MUSK: variants seen among roughly 807,000 people sequenced by gnomAD.
The protein encoded by MUSK is muscle, skeletal receptor tyrosine-protein kinase.
MUSK carries 55 observed loss-of-function variants against 88.7 expected under a neutral mutation model. That is an observed-to-expected ratio of 0.62 (90% confidence interval 0.50 to 0.78). The LOEUF is 0.78. Among genes scored for constraint, MUSK ranks in the 30% least tolerant of loss-of-function variants. MUSK has a pLI of 0.00. For missense variants in MUSK, 1,015 were observed against 1,074.3 expected (o/e 0.94, Z 0.77); for synonymous variants, 387 against 391.9 (o/e 0.99, Z 0.15).
intron 8 of MUSK, 92 bp downstream of exon 8, chr9:110,762,300 G>T: frequency 3.0e-6 from 3 of 1,012,380 alleles, no homozygotes; most frequent in Non-Finnish European, 4.0e-6. Flanking sequence ...GTCTTGTGTT[G>T]CCCAGGCTGG....
intron 7 of MUSK, 147 bp from the exon 8 acceptor site, chr9:110,762,055 C>A: frequency 6.8e-6 from 7 of 1,023,330 alleles, no homozygotes; most frequent in Non-Finnish European, 8.9e-6. Context: ...CATCTGGCCT[C>A]CTAGCAGAAG....
At chr9:110,675,562 CT>C (rs10607243) in intron 1 of MUSK, among the ~76,000 whole-genome samples, 939 of 61,616 alleles carry the variant, frequency 0.015, 2 homozygotes, top group African/African-American at 0.064. Flanking sequence ...ATAGTCTTCC[CT>C]TTTTTTTTTT....
At chr9:110,720,872 A>G (rs978328855) in intron 5 of MUSK, among the ~76,000 whole-genome samples, 1 of 152,158 alleles carries the variant, frequency 6.6e-6, no homozygotes, top group Non-Finnish European at 1.5e-5. Context: ...ATCCAACAAC[A>G]TACCAAAAAT....
intron 6 of MUSK, among the ~76,000 whole-genome samples, chr9:110,740,650 T>G (rs2131856289): frequency 6.6e-6 from 1 of 152,304 alleles, no homozygotes; most frequent in African/African-American, 2.4e-5. Flanking sequence ...GGGCTTGGCA[T>G]ACTGTAGGCT....
At chr9:110,683,080 T>G (rs747999419) in intron 2 of MUSK, among the ~76,000 whole-genome samples, 2 of 137,920 alleles carry the variant, frequency 1.5e-5, no homozygotes, top group Non-Finnish European at 3.1e-5. Context: ...TTTCATTCTT[T>G]CTATTTTTTT....
At chr9:110,688,653 T>C (rs2076229431) in intron 3 of MUSK, among the ~76,000 whole-genome samples, 1 of 151,856 alleles carries the variant, frequency 6.6e-6, no homozygotes, top group Non-Finnish European at 1.5e-5. Flanking sequence ...GTGTGCTGTT[T>C]CCCCCCATGT....
At chr9:110,764,934 A>G (rs1160797934) in intron 8 of MUSK, among the ~76,000 whole-genome samples, 2 of 152,136 alleles carry the variant, frequency 1.3e-5, no homozygotes, top group African/African-American at 2.4e-5. Context: ...TTTGCATTAT[A>G]TACTTAATGC....
At position 110,684,741 on chromosome 9, in the gene MUSK, A is replaced by G. The variant is rs1275384237; in HGVS notation, c.206+1941A>G. On this transcript the variant is annotated intron_variant, in intron 2 of 14. Transcript: ENST00000374448. Reference sequence around the variant, plus strand: ...ATTTAATTTTATGTGTGGCTATTGTAAATAGGATTATTTTTAAATTTATTT... The same window carrying G: ...ATTTAATTTTATGTGTGGCTATTGTGAATAGGATTATTTTTAAATTTATTT... Among the ~76,000 whole-genome samples, 5 of 152,114 alleles carry G rather than the reference A, an allele frequency of 3.3e-5. No homozygotes were observed. In the East Asian group the frequency reaches 7.7e-4, roughly 23 times the overall value.
chr9:110,685,852 C>T (rs962335798), intron 2 of MUSK, among the ~76,000 whole-genome samples: 6 of 152,124 alleles, frequency 3.9e-5, no homozygotes, highest in African/African-American at 1.2e-4. Context: ...CAGGCTTTTT[C>T]TAGCATGCTT....
chr9:110,669,272 G>A (rs1394603576), intron 1 of MUSK, among the ~76,000 whole-genome samples: 1 of 152,110 alleles, frequency 6.6e-6, no homozygotes, highest in African/African-American at 2.4e-5. Context: ...AGTTATCAAG[G>A]TCTATTTTGT....
chr9:110,799,226 A>G (rs1321766511), intron 14 of MUSK, among the ~76,000 whole-genome samples: 3 of 152,160 alleles, frequency 2.0e-5, no homozygotes, highest in African/African-American at 4.8e-5. Context: ...CCTCTTTTTC[A>G]AACAGATACT....
rs73655633 is a variant in MUSK at position 110,790,106 on chromosome 9, G to C, written c.1927+2268G>C. ...AATGAAATAGAAGTAAATCAAGAGA[G>C]TGTGGTGTCCTGGATGTCAAATGAA... On this transcript the variant is annotated intron_variant, in intron 14 of 14. Transcript: ENST00000374448. 4.0e-3 allele frequency among the ~76,000 whole-genome samples: 607 copies of C among 152,296 alleles called. 4 individuals carry two copies. Among genetic ancestry groups the C allele is most frequent in the African/African-American group, 0.014 (583 of 41,560 alleles).
At chr9:110,690,522 A>C (rs1285669279) in intron 3 of MUSK, among the ~76,000 whole-genome samples, 1,218 of 21,052 alleles carry the variant, frequency 0.058, 7 homozygotes, top group Non-Finnish European at 0.069. Context: ...ATATATATTT[A>C]AATATAAGTA....
At chr9:110,705,484 A>G (rs2076586517) in intron 5 of MUSK, among the ~76,000 whole-genome samples, 1 of 152,210 alleles carries the variant, frequency 6.6e-6, no homozygotes, top group Non-Finnish European at 1.5e-5. Context: ...CTGCTGCTGA[A>G]GTCTCCACTC....
intron 5 of MUSK, among the ~76,000 whole-genome samples, chr9:110,721,013 G>C (rs1189889393): frequency 6.6e-6 from 1 of 152,074 alleles, no homozygotes; most frequent in Non-Finnish European, 1.5e-5. Flanking sequence ...AGTAGACACA[G>C]AAAAAGCATT....
Position 110,804,527 on chromosome 9 carries a change from T to A in MUSK, c.*3539T>A, listed in dbSNP as rs2078136485. 6.6e-6 allele frequency among the ~76,000 whole-genome samples: 1 copy of A among 152,048 alleles called. No homozygotes were observed. The highest frequency in any genetic ancestry group is 1.5e-5 in the Non-Finnish European group (1 of 67,934). ...AGGTTGAATGTTTCTTGTTCCTAGG[T>A]CATTAACAGTTTTTATTTTGGCAAT... On this transcript the variant is annotated 3_prime_UTR_variant, in exon 15 of 15. Transcript: ENST00000374448.
chr9:110,787,645 A>G, intron 13 of MUSK, 45 bp from the exon 14 acceptor site: 1 of 1,588,054 alleles, frequency 6.3e-7, no homozygotes. Flanking sequence ...TAAAGATATG[A>G]TGTCCATGAT....
chr9:110,688,969 T>C (rs1015176597), intron 3 of MUSK, among the ~76,000 whole-genome samples: 18 of 145,202 alleles, frequency 1.2e-4, no homozygotes, highest in Middle Eastern at 3.6e-3. Context: ...AATACATACA[T>C]ATATTTAAAT....
chr9:110,687,644 A>G (rs1437171627), intron 3 of MUSK, among the ~76,000 whole-genome samples: 1 of 152,116 alleles, frequency 6.6e-6, no homozygotes, highest in Non-Finnish European at 1.5e-5. Context: ...CTGACTTGGT[A>G]CACTTTAAAA....
Sources: gnomAD v4.1 joint callset for allele counts (sites outside exome capture counted in the v4.1 genomes callset) on GRCh38, gnomAD v4.1.1 for gene constraint, MANE v1.5 for transcripts, NCBI Gene and HGNC (gene_info 2026-07-23, HGNC 2026-07-21) for gene names.